The following MYO3B variants were observed in gnomAD, a reference collection of about 807,000 sequenced individuals.
MYO3B encodes the protein myosin-IIIb.
MYO3B carries 156 observed loss-of-function variants against 174.6 expected under a neutral mutation model. The observed-to-expected ratio is 0.89, with a 90% CI of 0.78 to 1.02. The LOEUF (loss-of-function observed/expected upper bound fraction) is 1.02. Ranked by LOEUF, MYO3B falls within the 50% of genes least tolerant of loss-of-function variation. MYO3B has a pLI of 0.00. For missense variants in MYO3B, 1,632 were observed against 1,639.4 expected (o/e 1.00, Z 0.08); for synonymous variants, 563 against 569.1 (o/e 0.99, Z 0.15).
chr2:170,289,742 T>G (rs2093583326), intron 7 of MYO3B, among the ~76,000 whole-genome samples: 1 of 152,024 alleles, frequency 6.6e-6, no homozygotes, highest in African/African-American at 2.4e-5. Context: ...TTTTACTAAT[T>G]TGGGGTTTGG....
chr2:170,246,765 A>G (rs1340532584), intron 7 of MYO3B, among the ~76,000 whole-genome samples: 1 of 152,138 alleles, frequency 6.6e-6, no homozygotes, highest in African/African-American at 2.4e-5. Flanking sequence ...TGGCAGCCCT[A>G]GGAAACTAGT....
At chr2:170,476,077 C>CG in intron 25 of MYO3B, among the ~76,000 whole-genome samples, 1 of 152,058 alleles carries the variant, frequency 6.6e-6, no homozygotes, top group Non-Finnish European at 1.5e-5. Context: ...TCCCTGTCCC[C>CG]CCCCACAGGA....
At chr2:170,497,139 G>A (rs1239694322) in intron 25 of MYO3B, among the ~76,000 whole-genome samples, 2 of 152,100 alleles carry the variant, frequency 1.3e-5, no homozygotes, top group African/African-American at 4.8e-5. Flanking sequence ...CACGTGAAAG[G>A]TACTCTTCCT....
intron 7 of MYO3B, among the ~76,000 whole-genome samples, chr2:170,265,511 A>G (rs185016959): frequency 5.3e-5 from 8 of 152,342 alleles, no homozygotes; most frequent in Admixed American, 3.9e-4. Context: ...TGATACAGAG[A>G]CAGGGCACAG....
At position 170,654,880 on chromosome 2, in the gene MYO3B, AATGTTT is replaced by A. The variant is rs1699201432; in HGVS notation, c.*1762_*1767del. ...AATAGCTGAACTTCACCCAAAAGGT[AATGTTT>A]ATAAGTAGAGCAGAAAAAATGCAGA... On this transcript the variant is annotated 3_prime_UTR_variant, in exon 35 of 35. Coordinates refer to ENST00000408978, the MANE Select transcript of MYO3B (RefSeq NM_138995.5). 6.6e-6 allele frequency: 1 copy of A among 152,084 alleles called. No homozygotes were observed. The highest frequency in any genetic ancestry group is 6.6e-5 in the Admixed American group (1 of 15,220). The allele number at this position is 152,084 out of a possible 1,614,324, so 9.4% of individuals were successfully genotyped here.
chr2:170,459,407 C>T (rs1316834172), intron 23 of MYO3B, among the ~76,000 whole-genome samples: 1 of 152,206 alleles, frequency 6.6e-6, no homozygotes, highest in Non-Finnish European at 1.5e-5. Context: ...TAGCCAAACA[C>T]AAAGTTCTCC....
intron 32 of MYO3B, among the ~76,000 whole-genome samples, chr2:170,630,195 C>T (rs577480581): frequency 1.3e-5 from 2 of 152,348 alleles, no homozygotes; most frequent in East Asian, 3.9e-4. Flanking sequence ...AATCGGGACA[C>T]TCCACCTAAA....
At chr2:170,447,087 G>A (rs547900130) in intron 23 of MYO3B, among the ~76,000 whole-genome samples, 41 of 152,268 alleles carry the variant, frequency 2.7e-4, no homozygotes, top group Non-Finnish European at 4.7e-4. Flanking sequence ...AGGGAGAATG[G>A]CAGAGAGTGA....
intron 25 of MYO3B, among the ~76,000 whole-genome samples, chr2:170,477,022 C>T (rs756986168): frequency 6.6e-6 from 1 of 152,150 alleles, no homozygotes; most frequent in Non-Finnish European, 1.5e-5. Flanking sequence ...TCTTTGGACT[C>T]TCAGCTTCCT....
At chr2:170,535,967 G>C (rs1479940264) in intron 30 of MYO3B, among the ~76,000 whole-genome samples, 1 of 152,198 alleles carries the variant, frequency 6.6e-6, no homozygotes. Flanking sequence ...ACTGAAATAA[G>C]CTTTATGGGC....
intron 7 of MYO3B, among the ~76,000 whole-genome samples, chr2:170,295,898 A>G (rs1193310320): frequency 6.6e-6 from 1 of 152,168 alleles, no homozygotes; most frequent in East Asian, 1.9e-4. Context: ...AGTGCTGGCT[A>G]TCTTCTCCAA....
chr2:170,381,998 C>G lies in MYO3B; in HGVS notation c.972-18C>G, dbSNP rs777200512. On this transcript the variant is annotated intron_variant, in intron 9 of 34. Transcript: ENST00000408978. ...TATTTGCTGTCTTAATGCTTAAACT[C>G]TCTTGATAAATTTCTAGGCATGAGA... 4 of 1,604,656 alleles carry G rather than the reference C, an allele frequency of 2.5e-6. No individual in the cohort carries two copies. In the African/African-American group the frequency reaches 5.3e-5, roughly 21 times the overall value.
At chr2:170,223,897 G>T (rs1172422921) in intron 6 of MYO3B, among the ~76,000 whole-genome samples, 3 of 152,188 alleles carry the variant, frequency 2.0e-5, no homozygotes, top group Non-Finnish European at 4.4e-5. Context: ...GGCCAGGCTG[G>T]TTGTTAAGAT....
intron 7 of MYO3B, among the ~76,000 whole-genome samples, chr2:170,328,412 C>G (rs2093885424): frequency 6.6e-6 from 1 of 152,068 alleles, no homozygotes; most frequent in Admixed American, 6.6e-5. Context: ...TATTCATAAT[C>G]CTGTGGGACC....
At chr2:170,617,119 A>G (rs7582978) in intron 32 of MYO3B, among the ~76,000 whole-genome samples, 37,185 of 152,154 alleles carry the variant, frequency 0.24, 5,641 homozygotes, top group East Asian at 0.4. Flanking sequence ...CAAAATGAAC[A>G]GTTTGAATAG....
intron 32 of MYO3B, chr2:170,649,893 A>T (rs1211087612): frequency 6.6e-6 from 1 of 151,172 alleles, no homozygotes; most frequent in Non-Finnish European, 1.5e-5. Flanking sequence ...TTGGAACAAG[A>T]AGTAAGAAAT....
chr2:170,570,446 C>T (rs1559125149), intron 32 of MYO3B, among the ~76,000 whole-genome samples: 1 of 152,066 alleles, frequency 6.6e-6, no homozygotes. Flanking sequence ...AAGAATATTT[C>T]CATCTCACCG....
chr2:170,524,488 TG>T, intron 30 of MYO3B: 1 of 449,248 alleles, frequency 2.2e-6, no homozygotes, highest in South Asian at 1.6e-5. Flanking sequence ...TAAGTGGTTT[TG>T]TTTTTGTTTT....
At chr2:170,478,814 C>T (rs997252584) in intron 25 of MYO3B, among the ~76,000 whole-genome samples, 6 of 145,502 alleles carry the variant, frequency 4.1e-5, no homozygotes, top group East Asian at 2.1e-4. Context: ...CAGGTGATCT[C>T]GGAGGTCTTG....
Sources: allele counts gnomAD v4.1 joint callset (sites outside exome capture counted in the v4.1 genomes callset), GRCh38; gene constraint gnomAD v4.1.1; transcripts MANE v1.5; gene names NCBI Gene and HGNC (gene_info 2026-07-23, HGNC 2026-07-21).